The following SPTBN4 variants were observed in gnomAD, a reference collection of about 807,000 sequenced individuals.
SPTBN4 encodes the protein spectrin beta chain, non-erythrocytic 4.
Under a neutral mutation model 277.8 loss-of-function variants are expected in SPTBN4, and 96 were observed. That is an observed-to-expected ratio of 0.35 (90% confidence interval 0.29 to 0.41). The LOEUF is 0.41. Ranked by LOEUF, SPTBN4 falls within the 10% of genes least tolerant of loss-of-function variation. SPTBN4 has a pLI of 1.00. For missense variants in SPTBN4, 3,006 were observed against 3,595.7 expected (o/e 0.84, Z 4.19); for synonymous variants, 1,481 against 1,580.3 (o/e 0.94, Z 1.49).
Position 40,519,380 on chromosome 19 carries a change from C to A in SPTBN4, c.2904-21C>A. On this transcript the variant is annotated intron_variant, in intron 15 of 35. Transcript: ENST00000598249. The surrounding 1 kb of genome is among the most constrained non-coding windows in gnomAD (Gnocchi z 5.7). ...AGAGGAGTCCCTGTCCTCCTCAAGT[C>A]ACTCTCTTTCCCCTGGGCAGGTGGA... 1.3e-6 allele frequency: 2 copies of A among 1,519,800 alleles called. No individual in the cohort carries two copies. The highest frequency in any genetic ancestry group is 2.6e-5 in the South Asian group (2 of 77,834). 94.1% of individuals were successfully genotyped at this position (1,519,800 alleles called of 1,614,324 possible).
chr19:40,516,107 G>A (rs1232704792), intron 15 of SPTBN4, among the ~76,000 whole-genome samples: 1 of 149,500 alleles, frequency 6.7e-6, no homozygotes, highest in African/African-American at 2.5e-5. Context: ...GCATGGTGGT[G>A]CACATTTGTA....
intron 18 of SPTBN4, chr19:40,530,690 GA>G: frequency 3.7e-6 from 2 of 542,740 alleles, no homozygotes; most frequent in Non-Finnish European, 4.7e-6. Context: ...CCGCGGGAGG[GA>G]GGGGCGGGGC....
chr19:40,560,243 G>T lies in SPTBN4; in HGVS notation c.5755G>T (p.Glu1919Ter). The T allele has an allele frequency of 6.2e-7, 1 of 1,612,976 alleles. No homozygotes were observed. The highest frequency in any genetic ancestry group is 8.5e-7 in the Non-Finnish European group (1 of 1,179,968). ...HAEAIASREQ[E>*]VLQGWKELLS... The stretch of plus-strand genomic sequence containing the variant: ...CGAGGCCATCGCTAGCCGGGAGCAG[G>T]AGGTGCTGCAGGGTTGGAAAGAGCT... Residue 1919 changes from glutamate (E) to a stop codon, truncating the protein, a stop_gained, in exon 27 of 36, where the codon GAG becomes TAG. Coordinates refer to ENST00000598249, the MANE Select transcript of SPTBN4 (RefSeq NM_020971.3). LOFTEE classifies it high-confidence loss of function. This position sits in a 1 kb window ranked among gnomAD's most constrained non-coding sequence, Gnocchi z 5.2.
chr19:40,533,880 T>G (rs1268941275), intron 19 of SPTBN4, among the ~76,000 whole-genome samples, 200 bp from the exon 20 acceptor site: 1 of 152,100 alleles, frequency 6.6e-6, no homozygotes, highest in African/African-American at 2.4e-5. Context: ...TTCTTGTCTC[T>G]CTTCCTTGGT....
In SPTBN4 at chr19:40,485,677, T is replaced by C. The variant is rs936666986; in HGVS notation, c.170-2020T>C. ...AAATTAAAAAATCAGATGGGCATGG[T>C]GGCATGTGCCTGTAACCCCAGATAC... is the stretch of plus-strand genomic sequence containing the variant. On this transcript the variant is annotated intron_variant, in intron 2 of 35. Coordinates refer to ENST00000598249, the MANE Select transcript of SPTBN4 (RefSeq NM_020971.3). 4.0e-5 allele frequency among the ~76,000 whole-genome samples: 6 copies of C among 151,708 alleles called. No homozygotes were observed. In the South Asian group the frequency reaches 1.2e-3, roughly 32 times the overall value.
rs139520873 is a variant in SPTBN4, at chr19:40,470,246, G to A, written c.-15-2361G>A. Among the ~76,000 whole-genome samples, 83 of 150,970 alleles carry A rather than the reference G, an allele frequency of 5.5e-4. No individual in the cohort carries two copies. The East Asian group carries it at 0.015, about 27-fold the overall frequency. Reference sequence around the variant, plus strand: ...ACCCCTGAGCTCAGGCAATCCACCCGCCTTGGCCTCCCTAAGTGCCAGGAT... The same window carrying A: ...ACCCCTGAGCTCAGGCAATCCACCCACCTTGGCCTCCCTAAGTGCCAGGAT... On this transcript the variant is annotated intron_variant, in intron 1 of 35. Coordinates refer to ENST00000598249, the MANE Select transcript of SPTBN4 (RefSeq NM_020971.3).
At chr19:40,470,548 C>G (rs1408319886) in intron 1 of SPTBN4, among the ~76,000 whole-genome samples, 2 of 151,540 alleles carry the variant, frequency 1.3e-5, no homozygotes, top group Non-Finnish European at 2.9e-5. Context: ...CTCAAGCGAT[C>G]TGCCTGCCTT....
At position 40,513,563 on chromosome 19, in the gene SPTBN4, G is replaced by A. The variant is rs1390448653; in HGVS notation, c.2765+9G>A. On this transcript the variant is annotated intron_variant, in intron 14 of 35. Coordinates refer to ENST00000598249, the MANE Select transcript of SPTBN4 (RefSeq NM_020971.3). ...GAGGTGGTGCAGCACCGGTGAGCGC[G>A]CACATGTGGGACTCCGGGGTCCCCT... 5 of 1,544,066 alleles carry A rather than the reference G, an allele frequency of 3.2e-6. No individual in the cohort carries two copies. In the South Asian group the frequency reaches 4.7e-5, roughly 14 times the overall value.
intron 20 of SPTBN4, among the ~76,000 whole-genome samples, chr19:40,537,877 G>T (rs1055875028): frequency 1.9e-4 from 29 of 152,208 alleles, no homozygotes; most frequent in African/African-American, 6.5e-4. Flanking sequence ...GACTGTCAGG[G>T]TCCCAGCCAG....
chr19:40,504,137 C>CTGGGGG lies in SPTBN4; in HGVS notation c.1665+5_1665+6insTGGGGG. ...GACTGGATGGAGGAGATGCAGGTGCCGGCGGGGGGGCGGGGATGCGGGTGG... is the reference window on the plus strand; with the variant it reads ...GACTGGATGGAGGAGATGCAGGTGCCTGGGGGGGCGGGGGGGCGGGGATGCGGGTGG... On this transcript the variant is annotated splice_donor_region_variant and intron_variant, in intron 12 of 35. Transcript: ENST00000598249. The CTGGGGG allele has an allele frequency of 5.1e-6, 3 of 585,314 alleles. No individual in the cohort carries two copies. The highest frequency in any genetic ancestry group is 7.1e-6 in the Non-Finnish European group (3 of 422,648). The allele number at this position is 585,314 out of a possible 1,614,324, so 36.3% of individuals were successfully genotyped here.
chr19:40,561,287 A>G (rs184604556), intron 27 of SPTBN4, among the ~76,000 whole-genome samples: 2 of 151,656 alleles, frequency 1.3e-5, no homozygotes, highest in African/African-American at 4.8e-5. Context: ...TGCTGGGATT[A>G]CAGGCATAAG....
chr19:40,543,270 C>T (rs546228905), intron 20 of SPTBN4, among the ~76,000 whole-genome samples: 102 of 152,138 alleles, frequency 6.7e-4, no homozygotes, highest in Non-Finnish European at 1.2e-3. Flanking sequence ...GCCAACACAG[C>T]GAGACCCCAC....
rs2081113520 is a variant in SPTBN4 at position 40,567,999 on chromosome 19, G to A, written c.6673G>A (p.Glu2225Lys). The A allele has an allele frequency of 2.0e-6, 3 of 1,520,574 alleles. No homozygotes were observed. Among genetic ancestry groups the A allele is most frequent in the Admixed American group, 2.1e-5 (1 of 47,582 alleles). The allele number at this position is 1,520,574 out of a possible 1,614,324, so 94.2% of individuals were successfully genotyped here. Residue 2225 changes from glutamate (E) to lysine (K), a missense_variant, in exon 31 of 36, where the codon GAG becomes AAG. By Grantham distance (56) the Glu-to-Lys change is moderately conservative. Transcript: ENST00000598249. ...GACCCCCGCGACCCCCGCGGCGGCG[G>A]AGCAGGTGCGGCCACGACCGGAGCG... ...AETPATPAAAEQVRPRPERQE... is the reference protein window; with the variant it reads ...AETPATPAAAKQVRPRPERQE...
In SPTBN4 at chr19:40,500,678, A is replaced by T. The variant is rs186934975; in HGVS notation, c.785-1243A>T. 8.5e-5 allele frequency among the ~76,000 whole-genome samples: 13 copies of T among 152,168 alleles called. No individual in the cohort carries two copies. In the East Asian group the frequency reaches 2.5e-3, roughly 29 times the overall value. ...ATGTTTTATAAAAAATAAAAAGTCT[A>T]TTTAAAAAATTACAAAAAATTAGCC... On this transcript the variant is annotated intron_variant, in intron 7 of 35. Transcript: ENST00000598249.
intron 19 of SPTBN4, 137 bp downstream of exon 19, chr19:40,532,908 G>C: frequency 9.1e-7 from 1 of 1,095,004 alleles, no homozygotes; most frequent in Non-Finnish European, 1.2e-6. Flanking sequence ...CTCCAGATCT[G>C]CTCCTAGCTA....
At chr19:40,530,003 C>T (rs1045788173) in intron 18 of SPTBN4, among the ~76,000 whole-genome samples, 2 of 152,188 alleles carry the variant, frequency 1.3e-5, no homozygotes, top group Non-Finnish European at 2.9e-5. Flanking sequence ...GGCCTCCATA[C>T]CGTGCCCCCC....
chr19:40,554,265 A>G lies in SPTBN4; in HGVS notation c.4793A>G (p.Gln1598Arg). ...EAEAVRRGLE[Q>R]LQSAWAGLRE... ...GAGGCAGTGCGCCGGGGCCTGGAGC[A>G]GCTGCAGAGCGCCTGGGCCGGACTG... is the stretch of plus-strand genomic sequence containing the variant. The change falls in exon 23 of 36, where the codon CAG (glutamine) becomes CGG (arginine). Residue 1598 changes from glutamine (Q) to arginine (R), a missense_variant. Gln to Arg is a conservative substitution (Grantham distance 43, BLOSUM62 1). Coordinates refer to ENST00000598249, the MANE Select transcript of SPTBN4 (RefSeq NM_020971.3). The surrounding 1 kb of genome is among the most constrained non-coding windows in gnomAD (Gnocchi z 5.7). The G allele has an allele frequency of 6.5e-7, 1 of 1,533,108 alleles. No individual in the cohort carries two copies. The highest frequency in any genetic ancestry group is 8.7e-7 in the Non-Finnish European group (1 of 1,146,258). The allele number at this position is 1,533,108 out of a possible 1,614,324, so 95.0% of individuals were successfully genotyped here.
chr19:40,497,595 G>T lies in SPTBN4; in HGVS notation c.775G>T (p.Asp259Tyr). ...GCACCTGGGGCTGGCGCGGCTGCTG[G>T]ATCCTGAAGGTGAGCCTCTCGCGGG... ...EQHLGLARLLDPEDVNMEAPD... is the reference protein window; with the variant it reads ...EQHLGLARLLYPEDVNMEAPD... Residue 259 changes from aspartate to tyrosine, a missense_variant, in exon 7 of 36, where the codon GAT (aspartate) becomes TAT (tyrosine). By Grantham distance (160) the Asp-to-Tyr change is radical. This residue lies in a region of SPTBN4 where 1,759 missense variants were observed against 2,061.5 expected (regional missense o/e 0.85). Transcript: ENST00000598249. 6.2e-7 allele frequency: 1 copy of T among 1,613,670 alleles called. No individual in the cohort carries two copies.
At chr19:40,516,610 G>A (rs1483544971) in intron 15 of SPTBN4, among the ~76,000 whole-genome samples, 1 of 152,092 alleles carries the variant, frequency 6.6e-6, no homozygotes, top group African/African-American at 2.4e-5. Context: ...GATCACCTGA[G>A]GTCAGGAGTT....
Sources: allele counts gnomAD v4.1 joint callset (sites outside exome capture counted in the v4.1 genomes callset), GRCh38; gene constraint gnomAD v4.1.1; regional missense constraint gnomAD v4.1.1; non-coding constraint Gnocchi (gnomAD v3.1); transcripts MANE v1.5; gene names NCBI Gene and HGNC (gene_info 2026-07-23, HGNC 2026-07-21).